Variants in RBFOX1 observed in about 807,000 individuals in gnomAD.
RBFOX1 encodes RNA binding fox-1 homolog 1.
RBFOX1 carries 8 observed loss-of-function variants against 57.7 expected under a neutral mutation model. The observed-to-expected ratio is 0.14, with a 90% CI of 0.08 to 0.25. RBFOX1 has a LOEUF of 0.25. Ranked by LOEUF, RBFOX1 falls within the 10% of genes least tolerant of loss-of-function variation. RBFOX1 has a pLI of 1.00. For synonymous variants in RBFOX1, 326 were observed against 222.4 expected (o/e 1.47, Z -4.15); for missense variants, 611 against 548.5 (o/e 1.11, Z -1.14).
At chr16:7,483,372 A>T (rs1474138506) in intron 4 of RBFOX1, among the ~76,000 whole-genome samples, 1 of 151,100 alleles carries the variant, frequency 6.6e-6, no homozygotes, top group Non-Finnish European at 1.5e-5. Context: ...GGGGCAAGTT[A>T]TTTATCTCTT....
At chr16:7,093,478 T>C (rs2061196488) in intron 4 of RBFOX1, among the ~76,000 whole-genome samples, 1 of 152,180 alleles carries the variant, frequency 6.6e-6, no homozygotes, top group East Asian at 1.9e-4. Flanking sequence ...TTTGAACATT[T>C]GGAAAGGGCT....
rs2067847478 is a variant in RBFOX1, at chr16:5,434,317, C to CATTTTTTTT, written c.220-32899_220-32898insATTTTTTTT. Among the ~76,000 whole-genome samples the CATTTTTTTT allele has an allele frequency of 6.3e-5, 5 of 79,736 alleles. No homozygotes were observed. The Admixed American group carries it at 9.3e-4, about 15-fold the overall frequency. 52.3% of individuals were successfully genotyped at this position (79,736 alleles called of 152,430 possible). ...AGAGGGAGCCATCTCTGCTGAAGTC[C>CATTTTTTTT]TTTTTTTTTTTTTTTTTTTTTTGAG... On this transcript the variant is annotated intron_variant, in intron 1 of 2. Transcript: ENST00000585867.
chr16:6,318,773 T>C (rs138827875), intron 2 of RBFOX1, among the ~76,000 whole-genome samples: 2 of 152,256 alleles, frequency 1.3e-5, no homozygotes, highest in African/African-American at 4.8e-5. Flanking sequence ...AAAAAAGTAT[T>C]AATTTACTGC....
intron 3 of RBFOX1, among the ~76,000 whole-genome samples, chr16:5,730,550 A>G (rs1482693939): frequency 6.6e-6 from 1 of 152,116 alleles, no homozygotes; most frequent in Non-Finnish European, 1.5e-5. Flanking sequence ...ACTAATAATC[A>G]TCACCACTGC....
chr16:6,580,253 G>A (rs1465102037), intron 2 of RBFOX1, among the ~76,000 whole-genome samples: 1 of 152,150 alleles, frequency 6.6e-6, no homozygotes, highest in East Asian at 1.9e-4. Context: ...CACCATGCCC[G>A]GCCAGGCCTG....
At position 6,173,604 on chromosome 16, in the gene RBFOX1, C is replaced by CTTTTTTTTTTTTTTT. The variant is rs35528338; in HGVS notation, c.-126-143382_-126-143368dup. Among the ~76,000 whole-genome samples, 86 of 70,950 alleles carry CTTTTTTTTTTTTTTT rather than the reference C, an allele frequency of 1.2e-3. 8 individuals carry two copies. The highest frequency in any genetic ancestry group is 1.5e-3 in the Non-Finnish European group (60 of 41,244). 46.5% of individuals were successfully genotyped at this position (70,950 alleles called of 152,430 possible). Reference sequence around the variant, plus strand: ...GTATGGAGTGGACACTGACCACTCCCTTTTTTTTTTTTTTTTTTTTTTTGA... The same window carrying CTTTTTTTTTTTTTTT: ...GTATGGAGTGGACACTGACCACTCCCTTTTTTTTTTTTTTTTTTTTTTTTTTTTTTTTTTTTTTGA... On this transcript the variant is annotated intron_variant, in intron 1 of 15. Transcript: ENST00000550418.
chr16:6,412,352 G>C (rs1310066435), intron 2 of RBFOX1, among the ~76,000 whole-genome samples: 1 of 152,030 alleles, frequency 6.6e-6, no homozygotes, highest in Non-Finnish European at 1.5e-5. Context: ...ATTTCCTCTG[G>C]TCAACTTGGA....
At position 6,436,796 on chromosome 16, in the gene RBFOX1, A is replaced by G. The variant is rs1766201458; in HGVS notation, c.-64+119739A>G. Among the ~76,000 whole-genome samples, 4 of 152,260 alleles carry G rather than the reference A, an allele frequency of 2.6e-5. No homozygotes were observed. In the South Asian group the frequency reaches 8.3e-4, roughly 32 times the overall value. On this transcript the variant is annotated intron_variant, in intron 2 of 15. Transcript: ENST00000550418. The stretch of plus-strand genomic sequence containing the variant: ...ATTTGTTGGATGAATGAAAATAGAC[A>G]CAAAATGGTACACGTATATTGAATA...
chr16:6,226,707 C>T (rs1184697356), intron 1 of RBFOX1, among the ~76,000 whole-genome samples: 1 of 152,110 alleles, frequency 6.6e-6, no homozygotes, highest in Non-Finnish European at 1.5e-5. Context: ...TTGATGTTTT[C>T]CATTATCTTG....
chr16:5,298,800 C>T (rs769793811), intron 1 of RBFOX1, among the ~76,000 whole-genome samples: 1 of 30,718 alleles, frequency 3.3e-5, no homozygotes, highest in Middle Eastern at 6.5e-3. Context: ...TAGAGGTTGG[C>T]TTGTTGGGAG....
intron 4 of RBFOX1, among the ~76,000 whole-genome samples, chr16:7,462,969 G>C (rs1056055875): frequency 6.6e-6 from 1 of 152,152 alleles, no homozygotes; most frequent in Non-Finnish European, 1.5e-5. Context: ...TCTGTAACTT[G>C]AATTACATCT....
At chr16:7,466,402 A>G (rs541029984) in intron 4 of RBFOX1, among the ~76,000 whole-genome samples, 1 of 152,310 alleles carries the variant, frequency 6.6e-6, no homozygotes, top group East Asian at 1.9e-4. Flanking sequence ...ACCACTTCCC[A>G]GTGAGGCAGG....
intron 4 of RBFOX1, among the ~76,000 whole-genome samples, chr16:7,267,187 T>C (rs2095176257): frequency 6.6e-6 from 1 of 152,066 alleles, no homozygotes. Context: ...TTGCTTGAGG[T>C]CAGGTGTTTG....
intron 1 of RBFOX1, among the ~76,000 whole-genome samples, chr16:6,215,597 CCTTT>C (rs1480923411): frequency 6.6e-6 from 1 of 152,040 alleles, no homozygotes; most frequent in African/African-American, 2.4e-5. Flanking sequence ...ACATTGCATT[CCTTT>C]CTTTTCTTCT....
intron 4 of RBFOX1, among the ~76,000 whole-genome samples, chr16:7,219,275 T>G (rs1281515419): frequency 6.6e-6 from 1 of 152,226 alleles, no homozygotes. Flanking sequence ...TTTGGCATAT[T>G]GTGCCAAAGT....
chr16:6,223,641 T>C (rs927802110), intron 1 of RBFOX1, among the ~76,000 whole-genome samples: 2 of 152,064 alleles, frequency 1.3e-5, no homozygotes, highest in African/African-American at 4.8e-5. Context: ...TTTTCTCCCA[T>C]TTTGTAGGTC....
chr16:7,572,565 C>T (rs1030350552), intron 5 of RBFOX1, among the ~76,000 whole-genome samples: 3 of 152,102 alleles, frequency 2.0e-5, no homozygotes, highest in Non-Finnish European at 2.9e-5. Flanking sequence ...ATAGGCTGGG[C>T]GCGGTGGCTC....
At chr16:6,702,791 C>A (rs2062057693) in intron 3 of RBFOX1, among the ~76,000 whole-genome samples, 1 of 152,152 alleles carries the variant, frequency 6.6e-6, no homozygotes, top group East Asian at 1.9e-4. Context: ...AAATGTACCA[C>A]CTTAGCCATT....
At chr16:7,090,526 T>C (rs12921705) in intron 4 of RBFOX1, among the ~76,000 whole-genome samples, 50,923 of 151,838 alleles carry the variant, frequency 0.34, 8,875 homozygotes, top group South Asian at 0.44. Flanking sequence ...AATTAAATAG[T>C]TACAGATGCT....
Sources: allele counts gnomAD v4.1 joint callset (sites outside exome capture counted in the v4.1 genomes callset), GRCh38; gene constraint gnomAD v4.1.1; transcripts MANE v1.5; gene names NCBI Gene and HGNC (gene_info 2026-07-23, HGNC 2026-07-21).